The following SCAMP1 variants were observed in gnomAD, a reference collection of about 807,000 sequenced individuals.
The protein encoded by SCAMP1 is secretory carrier membrane protein 1.
A neutral mutation model predicts 41.8 loss-of-function variants in SCAMP1; 15 were observed. The observed-to-expected ratio is 0.36, with a 90% confidence interval of 0.24 to 0.55. SCAMP1 has a LOEUF of 0.55. SCAMP1 is among the 20% of genes least tolerant of loss of function. The probability of loss-of-function intolerance (pLI) is 0.86; values close to 1 mark genes in which losing one functional copy is unlikely to be tolerated. For missense variants in SCAMP1, 341 were observed against 412.6 expected (o/e 0.83, Z 1.50); for synonymous variants, 135 against 136.8 (o/e 0.99, Z 0.09).
In SCAMP1 at chr5:78,403,087, T is replaced by C. The variant is rs141188723; in HGVS notation, c.136-12433T>C. On this transcript the variant is annotated intron_variant, in intron 2 of 8. Coordinates refer to ENST00000621999, the MANE Select transcript of SCAMP1 (RefSeq NM_004866.6). ...GGTTTCACCATGTTGGCCATGCTGGTCTCAAACTCCTGGCCTCAAGTGATC... is the reference window on the plus strand; with the variant it reads ...GGTTTCACCATGTTGGCCATGCTGGCCTCAAACTCCTGGCCTCAAGTGATC... Among the ~76,000 whole-genome samples, 818 of 152,308 alleles carry C rather than the reference T, an allele frequency of 5.4e-3. 10 individuals are homozygous for C. Among genetic ancestry groups the C allele is most frequent in the African/African-American group, 0.019 (778 of 41,552 alleles).
chr5:78,386,202 A>T (rs905182332), intron 1 of SCAMP1, among the ~76,000 whole-genome samples: 1 of 152,152 alleles, frequency 6.6e-6, no homozygotes, highest in Non-Finnish European at 1.5e-5. Context: ...TTATCATCAT[A>T]TGATGTCCCT....
chr5:78,449,422 T>C (rs1270641509), intron 6 of SCAMP1, among the ~76,000 whole-genome samples: 1 of 152,130 alleles, frequency 6.6e-6, no homozygotes, highest in Non-Finnish European at 1.5e-5. Context: ...ATGATCCCAT[T>C]TATATAAAAT....
At chr5:78,458,678 G>A (rs1422055805) in intron 7 of SCAMP1, among the ~76,000 whole-genome samples, 1 of 152,108 alleles carries the variant, frequency 6.6e-6, no homozygotes, top group African/African-American at 2.4e-5. Context: ...TCAGGAGTTC[G>A]AGACCAGTCT....
intron 7 of SCAMP1, among the ~76,000 whole-genome samples, chr5:78,457,005 G>A (rs576005188): frequency 2.3e-5 from 3 of 130,728 alleles, no homozygotes; most frequent in Non-Finnish European, 4.8e-5. Context: ...CATTCTTCAC[G>A]TAGTTCTCGA....
intron 1 of SCAMP1, among the ~76,000 whole-genome samples, chr5:78,386,114 G>GGGACCTA (rs1402193211): frequency 2.0e-5 from 3 of 152,108 alleles, no homozygotes. Context: ...AGTAGTACTT[G>GGGACCTA]TTTTATAAAT....
chr5:78,416,592 A>G lies in SCAMP1; in HGVS notation c.286A>G (p.Arg96Gly), dbSNP rs781601107. Residue 96 changes from arginine (R) to glycine (G), a missense_variant, in exon 4 of 9, where the codon AGA (arginine) becomes GGA (glycine). Arg to Gly is a moderately radical substitution (Grantham distance 125, BLOSUM62 -2). Transcript: ENST00000621999. The stretch of plus-strand genomic sequence containing the variant: ...TCTTAAGCGCCAGGAAGAACTAGAA[A>G]GAAAAGCCGCAGAATTAGATCGTCG... ...ELLKRQEELE[R>G]KAAELDRRER... 10 of 1,600,436 alleles carry G rather than the reference A, an allele frequency of 6.2e-6. No individual in the cohort carries two copies. The highest frequency in any genetic ancestry group is 8.5e-6 in the Non-Finnish European group (10 of 1,173,220).
chr5:78,436,831 C>T (rs896590363), intron 6 of SCAMP1, among the ~76,000 whole-genome samples: 2 of 152,090 alleles, frequency 1.3e-5, no homozygotes, highest in East Asian at 3.8e-4. Context: ...GCCATTTTCA[C>T]GATATTGATT....
At chr5:78,451,320 C>G (rs1374539997) in intron 7 of SCAMP1, among the ~76,000 whole-genome samples, 2 of 152,004 alleles carry the variant, frequency 1.3e-5, no homozygotes, top group African/African-American at 2.4e-5. Flanking sequence ...TCTCAGGTAC[C>G]CTTTATCCTG....
At position 78,406,210 on chromosome 5, in the gene SCAMP1, G is replaced by T. The variant is rs144529213; in HGVS notation, c.136-9310G>T. ...TGTTAAAAATGGTAGTTTGTTAAAA[G>T]TACAAATTCTCTCTTCTAATCCCTA... On this transcript the variant is annotated intron_variant, in intron 2 of 8. Coordinates refer to ENST00000621999, the MANE Select transcript of SCAMP1 (RefSeq NM_004866.6). 5.6e-4 allele frequency among the ~76,000 whole-genome samples: 85 copies of T among 152,310 alleles called. No individual in the cohort carries two copies. The East Asian group carries it at 0.012, about 21-fold the overall frequency.
chr5:78,375,345 C>G (rs1033509535), intron 1 of SCAMP1, among the ~76,000 whole-genome samples: 2 of 152,048 alleles, frequency 1.3e-5, no homozygotes, highest in Non-Finnish European at 2.9e-5. Flanking sequence ...GAATCCTGAC[C>G]ATGTCACTTA....
At chr5:78,375,759 TATTTC>T (rs568761276) in intron 1 of SCAMP1, among the ~76,000 whole-genome samples, 149 of 152,308 alleles carry the variant, frequency 9.8e-4, no homozygotes, top group African/African-American at 3.4e-3. Context: ...TAGTTTGTCA[TATTTC>T]TTTTTGCTAA....
chr5:78,393,947 G>A (rs1751581943), intron 2 of SCAMP1, among the ~76,000 whole-genome samples: 1 of 152,206 alleles, frequency 6.6e-6, no homozygotes, highest in African/African-American at 2.4e-5. Flanking sequence ...ACACCTGTGT[G>A]TGGGAGAAGT....
At chr5:78,423,913 C>T (rs1264492543) in intron 6 of SCAMP1, among the ~76,000 whole-genome samples, 3 of 149,978 alleles carry the variant, frequency 2.0e-5, no homozygotes, top group East Asian at 2.0e-4. Context: ...GGCTTGATCT[C>T]GGTTCACTGC....
At chr5:78,469,141 ATTG>A (rs1305927915) in intron 8 of SCAMP1, among the ~76,000 whole-genome samples, 4 of 152,158 alleles carry the variant, frequency 2.6e-5, no homozygotes, top group African/African-American at 9.7e-5. Context: ...TCTTGAAAAT[ATTG>A]TTATCATTCA....
intron 6 of SCAMP1, among the ~76,000 whole-genome samples, chr5:78,429,368 T>G (rs2112162388): frequency 6.6e-6 from 1 of 151,818 alleles, no homozygotes; most frequent in South Asian, 2.1e-4. Context: ...TTTTTAATTT[T>G]TTTTTATCAT....
rs560949259 is a variant in SCAMP1 at position 78,459,353 on chromosome 5, G to A, written c.843G>A (p.Met281Ile). 1 of 1,476,142 alleles carries A rather than the reference G, an allele frequency of 6.8e-7. No individual in the cohort carries two copies. Among genetic ancestry groups the A allele is most frequent in the African/African-American group, 1.4e-5 (1 of 71,970 alleles). 91.4% of individuals were successfully genotyped at this position (1,476,142 alleles called of 1,614,324 possible). ...FTASAVISLV[M>I]FKKVHGLYRT... is the part of the protein sequence containing the mutation. The stretch of plus-strand genomic sequence containing the variant: ...CATCAGCAGTCATCTCACTAGTTAT[G>A]TTCAAAAAAGTAAGTGAAATTTTAT... The change falls in exon 8 of 9, where the codon ATG becomes ATA. Residue 281 changes from methionine (M) to isoleucine (I), a missense_variant. Met to Ile is a conservative substitution (Grantham distance 10). Coordinates refer to ENST00000621999, the MANE Select transcript of SCAMP1 (RefSeq NM_004866.6).
intron 6 of SCAMP1, among the ~76,000 whole-genome samples, chr5:78,427,727 A>G (rs1580686684): frequency 1.3e-5 from 2 of 152,010 alleles, no homozygotes; most frequent in Admixed American, 6.6e-5. Flanking sequence ...GATTATTGCC[A>G]TTTTAGTGGG....
intron 1 of SCAMP1, among the ~76,000 whole-genome samples, chr5:78,374,455 T>G (rs952519383): frequency 6.6e-6 from 1 of 152,110 alleles, no homozygotes; most frequent in Non-Finnish European, 1.5e-5. Context: ...ATGTGAGAAA[T>G]AATTTCTCAT....
intron 2 of SCAMP1, among the ~76,000 whole-genome samples, chr5:78,410,416 AT>A (rs1469611474): frequency 6.6e-6 from 1 of 151,880 alleles, no homozygotes; most frequent in African/African-American, 2.4e-5. Context: ...CTGTTCCTGC[AT>A]TAGTTTGCTG....
Sources: allele counts gnomAD v4.1 joint callset (sites outside exome capture counted in the v4.1 genomes callset), GRCh38; gene constraint gnomAD v4.1.1; transcripts MANE v1.5; gene names NCBI Gene and HGNC (gene_info 2026-07-23, HGNC 2026-07-21).